Variants in AKT3 observed in about 807,000 individuals in gnomAD.
The protein encoded by AKT3 is AKT serine/threonine kinase 3.
In AKT3, 15 loss-of-function variants were observed where a neutral mutation model predicts 65.3. That is an observed-to-expected ratio of 0.23 (90% CI 0.15 to 0.35). The LOEUF is 0.35. AKT3 is among the 10% of genes least tolerant of loss of function. The probability of loss-of-function intolerance (pLI) is 1.00; values close to 1 mark genes in which losing one functional copy is unlikely to be tolerated. For missense variants in AKT3, 243 were observed against 576.5 expected (o/e 0.42, Z 5.92); for synonymous variants, 206 against 183.8 (o/e 1.12, Z -0.98).
chr1:243,525,619 T>A (rs532952834), intron 12 of AKT3, among the ~76,000 whole-genome samples: 1 of 146,540 alleles, frequency 6.8e-6, no homozygotes, highest in East Asian at 2.1e-4. Context: ...AATAAGAAAT[T>A]CTCTCTATGG....
At chr1:243,642,009 G>C (rs1680428869) in intron 5 of AKT3, among the ~76,000 whole-genome samples, 1 of 151,982 alleles carries the variant, frequency 6.6e-6, no homozygotes, top group South Asian at 2.1e-4. Context: ...AAAAAAGTAT[G>C]ACAGCCTTCA....
At chr1:243,799,579 C>G (rs1433294597) in intron 2 of AKT3, among the ~76,000 whole-genome samples, 1 of 152,084 alleles carries the variant, frequency 6.6e-6, no homozygotes, top group Admixed American at 6.5e-5. Context: ...TAAAGAGAGA[C>G]AGCGAAGTTA....
chr1:243,843,133 T>A lies in AKT3; in HGVS notation c.38A>T (p.Gln13Leu). ...DVTIVKEGWV[Q>L]KRGEYIKNWR... ...GTTTGCGGAGCACTTACCCCTCTTCTGAACCCAACCTTCTTTCACAATGGT... is the reference window on the plus strand; with the variant it reads ...GTTTGCGGAGCACTTACCCCTCTTCAGAACCCAACCTTCTTTCACAATGGT... The change falls in exon 2 of 14, where the codon CAG (glutamine) becomes CTG (leucine). Residue 13 changes from glutamine to leucine, a missense_variant. By Grantham distance (113) the Gln-to-Leu change is moderately radical. This residue lies in a region of AKT3 where 29 missense variants were observed against 91.3 expected (regional missense o/e 0.32). Transcript: ENST00000673466. 2 of 1,614,032 alleles carry A rather than the reference T, an allele frequency of 1.2e-6. No homozygotes were observed. The highest frequency in any genetic ancestry group is 1.3e-5 in the African/African-American group (1 of 75,042).
intron 8 of AKT3, among the ~76,000 whole-genome samples, chr1:243,580,845 T>C (rs1327811539): frequency 1.3e-5 from 2 of 152,144 alleles, no homozygotes; most frequent in African/African-American, 2.4e-5. Flanking sequence ...TTGAGTAGCC[T>C]GAGCCACCGC....
chr1:243,580,779 C>G (rs1231986143), intron 8 of AKT3, among the ~76,000 whole-genome samples: 1 of 152,130 alleles, frequency 6.6e-6, no homozygotes, highest in Non-Finnish European at 1.5e-5. Context: ...GCAGTAGGGC[C>G]CTTGCTGCTC....
At chr1:243,773,611 T>C (rs978903806) in intron 2 of AKT3, among the ~76,000 whole-genome samples, 1 of 151,942 alleles carries the variant, frequency 6.6e-6, no homozygotes, top group Non-Finnish European at 1.5e-5. Flanking sequence ...GGCAACACAG[T>C]GAGACCCCAT....
At chr1:243,835,557 C>T (rs561857584) in intron 2 of AKT3, among the ~76,000 whole-genome samples, 6 of 152,242 alleles carry the variant, frequency 3.9e-5, no homozygotes, top group African/African-American at 1.4e-4. Flanking sequence ...CCTTGGCTCA[C>T]CTAAGGAGCC....
At chr1:243,490,139 C>A (rs1477346692) in intron 13 of AKT3, among the ~76,000 whole-genome samples, 1 of 152,246 alleles carries the variant, frequency 6.6e-6, no homozygotes, top group African/African-American at 2.4e-5. Flanking sequence ...ATTCTCCTCA[C>A]AAAATGACCC....
Position 243,500,849 on chromosome 1 carries a change from A to ACTT in AKT3, c.*4397_*4399dup, listed in dbSNP as rs1057165113. ...AAAGGTTCAAGCCTGAAACAGTAGAACTTCTATTCAGATTCAGAAGTTTTT... is the reference window on the plus strand; with the variant it reads ...AAAGGTTCAAGCCTGAAACAGTAGAACTTCTTCTATTCAGATTCAGAAGTTTTT... On this transcript the variant is annotated 3_prime_UTR_variant, in exon 14 of 14. Transcript: ENST00000673466. The ACTT allele has an allele frequency of 1.3e-5, 3 of 229,114 alleles. No homozygotes were observed. The highest frequency in any genetic ancestry group is 8.7e-6 in the Non-Finnish European group (1 of 115,556). 14.2% of individuals were successfully genotyped at this position (229,114 alleles called of 1,614,324 possible).
chr1:243,551,741 C>G (rs1023990294), intron 11 of AKT3, among the ~76,000 whole-genome samples: 5 of 151,928 alleles, frequency 3.3e-5, no homozygotes, highest in African/African-American at 9.7e-5. Flanking sequence ...CAGATATATC[C>G]ATATACAAAC....
At chr1:243,589,521 A>C (rs1676076906) in intron 8 of AKT3, among the ~76,000 whole-genome samples, 3 of 152,170 alleles carry the variant, frequency 2.0e-5, no homozygotes, top group Non-Finnish European at 2.9e-5. Context: ...TATTATAAAA[A>C]AGATGAGATA....
intron 13 of AKT3, among the ~76,000 whole-genome samples, chr1:243,492,319 T>TTTTTTA (rs1666678806): frequency 7.0e-6 from 1 of 142,980 alleles, no homozygotes; most frequent in African/African-American, 2.6e-5. Context: ...TTTTTTTTTT[T>TTTTTTA]GAGACGGAGT....
At chr1:243,775,912 T>A (rs1053131605) in intron 2 of AKT3, among the ~76,000 whole-genome samples, 1 of 152,108 alleles carries the variant, frequency 6.6e-6, no homozygotes, top group African/African-American at 2.4e-5. Context: ...AAGATTTGAA[T>A]AAAAACAAAT....
At chr1:243,783,949 A>G (rs183352611) in intron 2 of AKT3, among the ~76,000 whole-genome samples, 8 of 152,344 alleles carry the variant, frequency 5.3e-5, no homozygotes, top group Middle Eastern at 3.4e-3. Flanking sequence ...TTGAATGCTA[A>G]TAAGTCCAGC....
At chr1:243,632,126 C>T (rs1348943457) in intron 6 of AKT3, among the ~76,000 whole-genome samples, 1 of 152,100 alleles carries the variant, frequency 6.6e-6, no homozygotes, top group Non-Finnish European at 1.5e-5. Flanking sequence ...GAATCTTTCC[C>T]AAAAGGTTTT....
intron 2 of AKT3, among the ~76,000 whole-genome samples, chr1:243,794,661 T>G (rs1691841560): frequency 6.6e-6 from 1 of 152,232 alleles, no homozygotes; most frequent in Non-Finnish European, 1.5e-5. Flanking sequence ...GCATGACTGC[T>G]TAAGAGAACC....
Position 243,808,736 on chromosome 1 carries a change from G to A in AKT3, c.46+34389C>T, listed in dbSNP as rs367549629. ...TCCAAGACACATAATTGTCAGATTC[G>A]CCAAAGTTGAAATGAAGGGAAAAAT... is the stretch of plus-strand genomic sequence containing the variant. On this transcript the variant is annotated intron_variant, in intron 2 of 13. Coordinates refer to ENST00000673466, the MANE Select transcript of AKT3 (RefSeq NM_005465.7). Among the ~76,000 whole-genome samples, 69 of 152,198 alleles carry A rather than the reference G, an allele frequency of 4.5e-4. No individual in the cohort carries two copies. The South Asian group carries it at 4.8e-3, about 11-fold the overall frequency.
rs76688570 is a variant in AKT3, at chr1:243,509,373, C to G, written c.1354+2951G>C. Among the ~76,000 whole-genome samples, 820 of 152,204 alleles carry G rather than the reference C, an allele frequency of 5.4e-3. 7 individuals are homozygous for G. The highest frequency in any genetic ancestry group is 0.019 in the African/African-American group (791 of 41,522). On this transcript the variant is annotated intron_variant, in intron 13 of 13. Coordinates refer to ENST00000673466, the MANE Select transcript of AKT3 (RefSeq NM_005465.7). Reference sequence around the variant, plus strand: ...ATGCACACTAATGACAAATTCTCATCAGGACAAGTGCCCCGCGGGTGTCGA... The same window carrying G: ...ATGCACACTAATGACAAATTCTCATGAGGACAAGTGCCCCGCGGGTGTCGA...
intron 11 of AKT3, among the ~76,000 whole-genome samples, chr1:243,546,066 T>C (rs1325444726): frequency 1.3e-5 from 2 of 152,146 alleles, no homozygotes; most frequent in Non-Finnish European, 2.9e-5. Context: ...GGTAACTGAA[T>C]CATGGGGGCA....
Sources: allele counts gnomAD v4.1 joint callset (sites outside exome capture counted in the v4.1 genomes callset), GRCh38; gene constraint gnomAD v4.1.1; regional missense constraint gnomAD v4.1.1; transcripts MANE v1.5; gene names NCBI Gene and HGNC (gene_info 2026-07-23, HGNC 2026-07-21).